CLEC4D: variants seen among roughly 807,000 people sequenced by gnomAD.
CLEC4D encodes C-type lectin domain family 4 member D.
CLEC4D carries 21 observed loss-of-function variants against 21.1 expected under a neutral mutation model. That is an observed-to-expected ratio of 1.00 (90% confidence interval 0.71 to 1.43). The LOEUF is 1.43. Ranked by LOEUF, CLEC4D falls within the 40% of genes most tolerant of loss-of-function variation. CLEC4D has a pLI of 0.00. For missense variants in CLEC4D, 289 were observed against 260.7 expected (o/e 1.11, Z -0.75); for synonymous variants, 85 against 83.1 (o/e 1.02, Z -0.12).
chr12:8,525,176 C>G (rs941708790), downstream of CLEC4D, among the ~76,000 whole-genome samples: 2 of 152,038 alleles, frequency 1.3e-5, no homozygotes, highest in African/African-American at 4.8e-5. Flanking sequence ...GTATATTCTG[C>G]TGATTTGGGG....
chr12:8,529,195 C>T, the CLEC4D span, among the ~76,000 whole-genome samples: 1 of 151,992 alleles, frequency 6.6e-6, no homozygotes, highest in African/African-American at 2.4e-5. Flanking sequence ...GGAAATTTTC[C>T]AAGGAAGATT....
rs1491486777 is a variant in CLEC4D at position 8,521,431 on chromosome 12, CAT to C, written c.*161_*162del. ...ATTTTGTTTGATTCATTCGAGACAA[CAT>C]GTGTGTATGTGTGTGTGTGTGTGTG... On this transcript the variant is annotated 3_prime_UTR_variant, in exon 6 of 6. Transcript: ENST00000299665. 7.8e-5 allele frequency: 108 copies of C among 1,387,314 alleles called. No individual in the cohort carries two copies. The highest frequency in any genetic ancestry group is 7.0e-4 in the East Asian group (27 of 38,702). 85.9% of individuals were successfully genotyped at this position (1,387,314 alleles called of 1,614,324 possible). A position where few individuals can be genotyped will look rare whatever the true frequency, so the allele number is the denominator to read the frequency against.
chr12:8,528,852 G>A, the CLEC4D span, among the ~76,000 whole-genome samples: 1 of 151,078 alleles, frequency 6.6e-6, no homozygotes, highest in African/African-American at 2.4e-5. Flanking sequence ...AAGTGTATAA[G>A]AATATATACT....
At chr12:8,515,964 G>C (rs182725578) in intron 2 of CLEC4D, among the ~76,000 whole-genome samples, 19 of 152,210 alleles carry the variant, frequency 1.2e-4, no homozygotes, top group Non-Finnish European at 2.5e-4. Context: ...TACAGATCCT[G>C]CATGTATATA....
chr12:8,528,559 A>C, the CLEC4D span, among the ~76,000 whole-genome samples: 1 of 152,214 alleles, frequency 6.6e-6, no homozygotes, highest in Admixed American at 6.5e-5. Context: ...AATCTCTTCA[A>C]GACAAAGACA....
Position 8,519,010 on chromosome 12 carries a change from G to A in CLEC4D, c.234G>A (p.Gly78=). The A allele has an allele frequency of 1.2e-6, 2 of 1,610,898 alleles. No individual in the cohort carries two copies. The highest frequency in any genetic ancestry group is 1.3e-5 in the African/African-American group (1 of 74,820). Residue 78 remains glycine, a splice_region_variant and synonymous_variant, in exon 4 of 6, where the codon GGG becomes GGA. Transcript: ENST00000299665. The part of the protein sequence containing the change: ...KEKSELKSAE[G]STWNCCPIDW... ...TTTCCGTTTTAATTTTCACTTGAGGGAGCACCTGGAACTGTTGTCCTATTG... is the reference window on the plus strand; with the variant it reads ...TTTCCGTTTTAATTTTCACTTGAGGAAGCACCTGGAACTGTTGTCCTATTG...
intron 2 of CLEC4D, among the ~76,000 whole-genome samples, chr12:8,517,499 A>T (rs1379005709): frequency 7.2e-6 from 1 of 139,138 alleles, no homozygotes; most frequent in East Asian, 2.3e-4. Context: ...GGAAGGGTAC[A>T]TTTGTTTATA....
the CLEC4D span, among the ~76,000 whole-genome samples, chr12:8,527,804 G>A: frequency 1.4e-4 from 21 of 152,244 alleles, no homozygotes; most frequent in Non-Finnish European, 2.1e-4. Context: ...CCAGGGTTGG[G>A]ATGCTAGGCC....
In CLEC4D at chr12:8,521,163, A is replaced by C. The variant is rs1259961390; in HGVS notation, c.540A>C (p.Glu180Asp). The C allele has an allele frequency of 1.9e-6, 3 of 1,613,482 alleles. No homozygotes were observed. The highest frequency in any genetic ancestry group is 2.5e-6 in the Non-Finnish European group (3 of 1,179,656). Residue 180 changes from glutamate (E) to aspartate (D), a missense_variant, in exon 6 of 6, where the codon GAA becomes GAC. Physicochemically the swap from Glu to Asp is conservative, Grantham distance 45. Coordinates refer to ENST00000299665, the MANE Select transcript of CLEC4D (RefSeq NM_080387.5). ...HKNEPDNSQGENCVVLVYNQD... is the reference protein window; with the variant it reads ...HKNEPDNSQGDNCVVLVYNQD... Reference sequence around the variant, plus strand: ...ATGAACCCGACAACTCTCAGGGAGAAAACTGTGTTGTTCTTGTTTATAACC... The same window carrying C: ...ATGAACCCGACAACTCTCAGGGAGACAACTGTGTTGTTCTTGTTTATAACC...
At chr12:8,531,623 G>A in the CLEC4D span, among the ~76,000 whole-genome samples, 3 of 151,950 alleles carry the variant, frequency 2.0e-5, no homozygotes, top group African/African-American at 7.3e-5. Context: ...TTGAAACATC[G>A]CATTGTATCC....
At position 8,520,434 on chromosome 12, in the gene CLEC4D, A is replaced by G. The variant is rs771131524; in HGVS notation, c.500+93A>G. ...ATTTTGAAGTGGAGTACATTGATAT[A>G]AAAATGTTAAGAGAGACCACTGTAG... On this transcript the variant is annotated intron_variant, in intron 5 of 5. Coordinates refer to ENST00000299665, the MANE Select transcript of CLEC4D (RefSeq NM_080387.5). 3 of 1,510,694 alleles carry G rather than the reference A, an allele frequency of 2.0e-6. No homozygotes were observed. The South Asian group carries it at 3.8e-5, about 19-fold the overall frequency. 93.6% of individuals were successfully genotyped at this position (1,510,694 alleles called of 1,614,324 possible).
At chr12:8,518,974 TTTG>T (rs1353438414) in intron 3 of CLEC4D, 32 bp from the exon 4 acceptor site, 2 of 1,605,938 alleles carry the variant, frequency 1.2e-6, no homozygotes, top group Non-Finnish European at 1.7e-6. Context: ...GAAATGCTCT[TTTG>T]TTACCAATTT....
chr12:8,525,375 G>C (rs530648871), downstream of CLEC4D, among the ~76,000 whole-genome samples: 1 of 152,152 alleles, frequency 6.6e-6, no homozygotes, highest in Non-Finnish European at 1.5e-5. Flanking sequence ...TTATGAATCT[G>C]GGTGCTCCTG....
At chr12:8,528,904 A>T in the CLEC4D span, among the ~76,000 whole-genome samples, 5 of 151,792 alleles carry the variant, frequency 3.3e-5, no homozygotes, top group South Asian at 1.0e-3. Context: ...ATATAATTAC[A>T]TACATGTTAT....
intron 4 of CLEC4D, among the ~76,000 whole-genome samples, chr12:8,519,460 T>G (rs1281521544): frequency 2.6e-5 from 4 of 152,200 alleles, no homozygotes; most frequent in Non-Finnish European, 4.4e-5. Flanking sequence ...TGGCATTTAC[T>G]TCACTCCACT....
chr12:8,529,050 T>C, the CLEC4D span, among the ~76,000 whole-genome samples: 1 of 152,200 alleles, frequency 6.6e-6, no homozygotes, highest in Non-Finnish European at 1.5e-5. Flanking sequence ...GTGAATAGCA[T>C]TTATATTGCA....
At chr12:8,514,596 G>A (rs746696963) in intron 1 of CLEC4D, among the ~76,000 whole-genome samples, 1 of 152,000 alleles carries the variant, frequency 6.6e-6, no homozygotes, top group Non-Finnish European at 1.5e-5. Context: ...CTTCTAAAAG[G>A]CATTCCTAAT....
chr12:8,518,240 C>A lies in CLEC4D; in HGVS notation c.198C>A (p.Cys66Ter). ...TAGAGCACCATGCAAAGCTCAAATG[C>A]ATCAAAGAGAAATCAGAACTGAAAA... Reference protein sequence around the residue: ...HKLEHHAKLKCIKEKSELKSA... With the variant: ...HKLEHHAKLK The change falls in exon 3 of 6, where the codon TGC (cysteine) becomes TGA (stop). Residue 66 changes from cysteine to a stop codon, truncating the protein, a stop_gained. Transcript: ENST00000299665. LOFTEE classifies it high-confidence loss of function. 1.5e-6 allele frequency: 2 copies of A among 1,359,418 alleles called. No individual in the cohort carries two copies. The highest frequency in any genetic ancestry group is 2.1e-6 in the Non-Finnish European group (2 of 948,324). The allele number at this position is 1,359,418 out of a possible 1,614,324, so 84.2% of individuals were successfully genotyped here.
chr12:8,518,080 A>G (rs1473279075), intron 2 of CLEC4D, 84 bp from the exon 3 acceptor site: 3 of 610,484 alleles, frequency 4.9e-6, no homozygotes, highest in Non-Finnish European at 8.8e-6. Flanking sequence ...TTAGGATAAG[A>G]GAAAATTTAG....
Sources: gnomAD v4.1 joint callset for allele counts (sites outside exome capture counted in the v4.1 genomes callset) on GRCh38, gnomAD v4.1.1 for gene constraint, MANE v1.5 for transcripts, NCBI Gene and HGNC (gene_info 2026-07-23, HGNC 2026-07-21) for gene names.